Variants in CHD9 observed in about 807,000 individuals in gnomAD.
The protein encoded by CHD9 is chromodomain helicase DNA binding protein 9.
Under a neutral mutation model 316.1 loss-of-function variants are expected in CHD9, and 77 were observed. That is an observed-to-expected ratio of 0.24 (90% CI 0.20 to 0.29). The LOEUF is 0.29. Among genes scored for constraint, CHD9 ranks in the 10% least tolerant of loss-of-function variants. The probability of loss-of-function intolerance (pLI) is 1.00; values close to 1 mark genes in which losing one functional copy is unlikely to be tolerated. For synonymous variants in CHD9, 1,129 were observed against 1,158.3 expected, an observed-to-expected ratio of 0.97 and a Z score of 0.51; for missense variants, 2,763 against 3,438.1, an observed-to-expected ratio of 0.80 and a Z score of 4.91.
At chr16:53,092,667 A>G (rs2036049835) in intron 1 of CHD9, among the ~76,000 whole-genome samples, 1 of 152,164 alleles carries the variant, frequency 6.6e-6, no homozygotes, top group Non-Finnish European at 1.5e-5. Flanking sequence ...ATCCCTGCAA[A>G]AGAACCCCAC....
Position 53,074,415 on chromosome 16 carries a change from T to C in CHD9, c.-165+19338T>C, listed in dbSNP as rs991990334. 2.0e-5 allele frequency among the ~76,000 whole-genome samples: 3 copies of C among 152,280 alleles called. No homozygotes were observed. In the East Asian group the frequency reaches 5.8e-4, roughly 29 times the overall value. On this transcript the variant is annotated intron_variant, in intron 1 of 38. Coordinates refer to ENST00000447540, the MANE Select transcript of CHD9 (RefSeq NM_001308319.2). ...AGGCTGCAAAAATTTGCATAAGTAA[T>C]GAGGAGCTGAATGTTAATCCCCAGG... is the stretch of plus-strand genomic sequence containing the variant.
At chr16:53,133,027 G>C (rs2039445959) in intron 1 of CHD9, among the ~76,000 whole-genome samples, 1 of 151,980 alleles carries the variant, frequency 6.6e-6, no homozygotes, top group Non-Finnish European at 1.5e-5. Flanking sequence ...TTACCACAAA[G>C]TATTGGCAGG....
chr16:53,263,964 T>A (rs1321414310), intron 20 of CHD9, among the ~76,000 whole-genome samples: 1 of 151,982 alleles, frequency 6.6e-6, no homozygotes, highest in Non-Finnish European at 1.5e-5. Flanking sequence ...AAATATGCCA[T>A]TGAGCCTTCC....
chr16:53,249,025 G>T (rs2049913873), intron 16 of CHD9, among the ~76,000 whole-genome samples: 1 of 151,946 alleles, frequency 6.6e-6, no homozygotes, highest in African/African-American at 2.4e-5. Flanking sequence ...ACATTAAGTT[G>T]CACTGTTCCC....
chr16:53,305,383 A>G (rs1015423336), intron 31 of CHD9, among the ~76,000 whole-genome samples: 3 of 152,208 alleles, frequency 2.0e-5, no homozygotes, highest in Non-Finnish European at 4.4e-5. Context: ...TTTTATATAT[A>G]CAAATGTTCT....
intron 2 of CHD9, among the ~76,000 whole-genome samples, chr16:53,188,715 C>T (rs2044243322): frequency 6.7e-6 from 1 of 149,524 alleles, no homozygotes; most frequent in South Asian, 2.1e-4. Flanking sequence ...CTGCCTCAGC[C>T]TCCCGAGTAG....
chr16:53,221,223 A>T (rs1318471603), intron 3 of CHD9, among the ~76,000 whole-genome samples: 1 of 152,212 alleles, frequency 6.6e-6, no homozygotes, highest in Non-Finnish European at 1.5e-5. Context: ...GCAACAGCAG[A>T]TGTAGTTATT....
At position 53,268,137 on chromosome 16, in the gene CHD9, T is replaced by C; in HGVS notation, c.4717+11T>C. 6.4e-7 allele frequency: 1 copy of C among 1,561,516 alleles called. No individual in the cohort carries two copies. Among genetic ancestry groups the C allele is most frequent in the African/African-American group, 1.4e-5 (1 of 73,554 alleles). The stretch of plus-strand genomic sequence containing the variant: ...TACAGAATCATCTAGGTAAGAACAT[T>C]GTTTCATTTGCTTTTAAAATTTATT... On this transcript the variant is annotated intron_variant, in intron 22 of 38. Transcript: ENST00000447540.
chr16:53,236,608 C>T (rs973170890), intron 11 of CHD9, among the ~76,000 whole-genome samples: 4 of 148,746 alleles, frequency 2.7e-5, no homozygotes, highest in Admixed American at 6.7e-5. Flanking sequence ...CTCTCTGTCT[C>T]CCCATTCCCC....
At chr16:53,281,083 T>C (rs1341099681) in intron 24 of CHD9, among the ~76,000 whole-genome samples, 4 of 152,190 alleles carry the variant, frequency 2.6e-5, no homozygotes, top group Non-Finnish European at 4.4e-5. Context: ...CTTACCTTTT[T>C]CCTTAGGTGA....
At chr16:53,154,097 A>AGGG (rs2041329120) in intron 1 of CHD9, among the ~76,000 whole-genome samples, 4 of 152,230 alleles carry the variant, frequency 2.6e-5, no homozygotes, top group Non-Finnish European at 5.9e-5. Flanking sequence ...TAAATAATTA[A>AGGG]GGGACAATAT....
intron 2 of CHD9, chr16:53,208,576 A>AGTGCTGCT (rs963177496): frequency 9.8e-7 from 1 of 1,017,172 alleles, no homozygotes; most frequent in African/African-American, 1.7e-5. Context: ...CCAGTGCTGC[A>AGTGCTGCT]GTGCTGCTAT....
At position 53,065,638 on chromosome 16, in the gene CHD9, T is replaced by TAA. The variant is rs68025976; in HGVS notation, c.-165+10580_-165+10581dup. Among the ~76,000 whole-genome samples, 52 of 103,404 alleles carry TAA rather than the reference T, an allele frequency of 5.0e-4. 1 individual carries two copies. Among genetic ancestry groups the TAA allele is most frequent in the African/African-American group, 1.7e-3 (43 of 25,572 alleles). 67.8% of individuals were successfully genotyped at this position (103,404 alleles called of 152,430 possible). A position where few individuals can be genotyped will look rare whatever the true frequency, so the allele number is the denominator to read the frequency against. On this transcript the variant is annotated intron_variant, in intron 1 of 38. Coordinates refer to ENST00000447540, the MANE Select transcript of CHD9 (RefSeq NM_001308319.2). ...AACAAAGCCAGATTCTGTCTTAAATTAAAAAAAAAAAAAAAAAAAAGGAAG... is the reference window on the plus strand; with the variant it reads ...AACAAAGCCAGATTCTGTCTTAAATTAAAAAAAAAAAAAAAAAAAAAAGGAAG...
chr16:53,300,869 G>A (rs919079802), intron 30 of CHD9, among the ~76,000 whole-genome samples: 1 of 152,126 alleles, frequency 6.6e-6, no homozygotes, highest in Non-Finnish European at 1.5e-5. Context: ...ATTTTGGTAG[G>A]CCAAGGCAGG....
rs75657191 is a variant in CHD9 at position 53,151,968 on chromosome 16, ATGTGTG to A, written c.-164-3937_-164-3932del. The stretch of plus-strand genomic sequence containing the variant: ...CTTATTCTTTGTATGCTTTCAGGGT[ATGTGTG>A]TGTGTGTGTGTGTGTGTGTGATTGT... On this transcript the variant is annotated intron_variant, in intron 1 of 38. Transcript: ENST00000447540. 8.1e-4 allele frequency among the ~76,000 whole-genome samples: 119 copies of A among 147,474 alleles called. 1 individual carries two copies. The Middle Eastern group carries it at 0.025, about 31-fold the overall frequency.
chr16:53,124,349 C>A (rs2038876466), intron 1 of CHD9, among the ~76,000 whole-genome samples: 1 of 151,640 alleles, frequency 6.6e-6, no homozygotes. Context: ...GGAGGCCTCA[C>A]AATCATGGCA....
intron 2 of CHD9, among the ~76,000 whole-genome samples, chr16:53,164,989 A>T (rs891275184): frequency 1.3e-5 from 2 of 152,154 alleles, no homozygotes; most frequent in African/African-American, 4.8e-5. Context: ...TATGTGTAAG[A>T]TGATAGCAAC....
intron 24 of CHD9, among the ~76,000 whole-genome samples, chr16:53,279,008 G>A (rs950159597): frequency 6.6e-6 from 1 of 152,072 alleles, no homozygotes; most frequent in African/African-American, 2.4e-5. Flanking sequence ...CCCATTACTG[G>A]GTATATACCC....
chr16:53,193,335 G>C (rs995087291), intron 2 of CHD9, among the ~76,000 whole-genome samples: 1 of 151,952 alleles, frequency 6.6e-6, no homozygotes, highest in African/African-American at 2.4e-5. Flanking sequence ...TGTAGTCCCA[G>C]CTACTCTGGA....
Sources: gnomAD v4.1 joint callset for allele counts (sites outside exome capture counted in the v4.1 genomes callset) on GRCh38, gnomAD v4.1.1 for gene constraint, MANE v1.5 for transcripts, NCBI Gene and HGNC (gene_info 2026-07-23, HGNC 2026-07-21) for gene names.